Variants in TVP23A observed in about 807,000 individuals in gnomAD.
The protein encoded by TVP23A is trans-golgi network vesicle protein 23 homolog A.
Under a neutral mutation model 31.7 loss-of-function variants are expected in TVP23A, and 21 were observed. The observed-to-expected ratio is 0.66, with a 90% CI of 0.47 to 0.95. The LOEUF is 0.95. Ranked by LOEUF, TVP23A falls within the 40% of genes least tolerant of loss-of-function variation. TVP23A has a pLI of 0.00. For missense variants in TVP23A, 279 were observed against 255.6 expected, an observed-to-expected ratio of 1.09 and a Z score of -0.62; for synonymous variants, 104 against 96.0, an observed-to-expected ratio of 1.08 and a Z score of -0.49.
chr16:10,777,871 C>T lies in TVP23A; in HGVS notation c.90-2775G>A, dbSNP rs1018505145. 1.7e-4 allele frequency among the ~76,000 whole-genome samples: 26 copies of T among 151,816 alleles called. No individual in the cohort carries two copies. The highest frequency in any genetic ancestry group is 1.4e-3 in the Admixed American group (22 of 15,232). Reference sequence around the variant, plus strand: ...ACTAAAAATACAAAAATTAGCTGAGCGTGGTGGTGGGCGCCTGTAGTCCCA... The same window carrying T: ...ACTAAAAATACAAAAATTAGCTGAGTGTGGTGGTGGGCGCCTGTAGTCCCA... On this transcript the variant is annotated intron_variant, in intron 2 of 7. Coordinates refer to ENST00000299866, the MANE Select transcript of TVP23A (RefSeq NM_001079512.4). The surrounding 1 kb of genome is among the most constrained non-coding windows in gnomAD (Gnocchi z 4.5).
chr16:10,780,366 C>A (rs2032348585), intron 2 of TVP23A, among the ~76,000 whole-genome samples: 1 of 152,076 alleles, frequency 6.6e-6, no homozygotes, highest in African/African-American at 2.4e-5. Flanking sequence ...TTATTTCATC[C>A]TAAATGGGTC....
At chr16:10,762,459 C>A (rs901407269), downstream of TVP23A, among the ~76,000 whole-genome samples, 1 of 152,228 alleles carries the variant, frequency 6.6e-6, no homozygotes, top group Non-Finnish European at 1.5e-5. Context: ...TCCACCCACA[C>A]GCCCGCCGGG....
chr16:10,761,709 G>A, downstream of TVP23A: 1 of 1,439,206 alleles, frequency 6.9e-7, no homozygotes, highest in Non-Finnish European at 9.7e-7. Context: ...CCATCCTTGT[G>A]ATTCTGCAAA....
intron 4 of TVP23A, 125 bp from the exon 5 acceptor site, chr16:10,773,566 T>C (rs979624547): frequency 1.8e-6 from 2 of 1,119,722 alleles, no homozygotes; most frequent in African/African-American, 3.2e-5. Context: ...GTTGTTGGTG[T>C]TGTTTTGTTT....
chr16:10,804,088 T>C (rs1344223114), intron 2 of TVP23A, among the ~76,000 whole-genome samples: 2 of 152,138 alleles, frequency 1.3e-5, no homozygotes, highest in Non-Finnish European at 2.9e-5. Context: ...AACAGGAACA[T>C]GGGGCTCTGG....
chr16:10,804,447 T>A (rs937438030), intron 2 of TVP23A, among the ~76,000 whole-genome samples: 5 of 152,034 alleles, frequency 3.3e-5, no homozygotes, highest in Admixed American at 2.6e-4. Context: ...CTCTAACAGA[T>A]TTCCAAAAGA....
chr16:10,784,110 G>A (rs2032589420), intron 2 of TVP23A, among the ~76,000 whole-genome samples: 3 of 152,136 alleles, frequency 2.0e-5, no homozygotes, highest in Non-Finnish European at 4.4e-5. Context: ...CTAGGGGGCA[G>A]ATAGCTTGAG....
intron 2 of TVP23A, among the ~76,000 whole-genome samples, chr16:10,797,942 ATT>A (rs1272625692): frequency 2.2e-5 from 3 of 137,184 alleles, no homozygotes; most frequent in African/African-American, 8.2e-5. Context: ...TATAGTAAAT[ATT>A]TTTTCTTTTT....
At position 10,816,500 on chromosome 16, in the gene TVP23A, A is replaced by C. The variant is rs187029717; in HGVS notation, c.89+1603T>G. On this transcript the variant is annotated intron_variant, in intron 2 of 7. Coordinates refer to ENST00000299866, the MANE Select transcript of TVP23A (RefSeq NM_001079512.4). ...AGGTGCATGCCACTACACCCAGCTA[A>C]TTTTTGTATTTTTTGTAGAAACAGG... Among the ~76,000 whole-genome samples the C allele has an allele frequency of 3.1e-3, 475 of 152,038 alleles. 2 individuals carry two copies. Among genetic ancestry groups the C allele is most frequent in the African/African-American group, 0.011 (456 of 41,458 alleles).
intron 6 of TVP23A, among the ~76,000 whole-genome samples, chr16:10,770,801 C>T (rs1249077068): frequency 2.2e-5 from 3 of 139,162 alleles, no homozygotes; most frequent in South Asian, 2.3e-4. Context: ...AACCCGGAGC[C>T]GGAGGTTGCA....
chr16:10,765,954 C>G (rs553718283), downstream of TVP23A: 4 of 152,280 alleles, frequency 2.6e-5, no homozygotes, highest in Non-Finnish European at 5.9e-5. The surrounding 1 kb of genome is among the most constrained non-coding windows in gnomAD (Gnocchi z 4.0). Flanking sequence ...ACACTGTCAC[C>G]CACCCAAGAG....
chr16:10,776,900 C>T (rs140493695), intron 2 of TVP23A, among the ~76,000 whole-genome samples: 7 of 152,174 alleles, frequency 4.6e-5, no homozygotes, highest in African/African-American at 9.6e-5. Flanking sequence ...GCAGTGGGGA[C>T]GACCAGAGGT....
At chr16:10,808,791 A>G (rs1272044459) in intron 2 of TVP23A, among the ~76,000 whole-genome samples, 1 of 152,080 alleles carries the variant, frequency 6.6e-6, no homozygotes, top group Non-Finnish European at 1.5e-5. Context: ...CAACTCCCCA[A>G]AAGAAAAAGA....
At chr16:10,816,653 G>C in intron 2 of TVP23A, among the ~76,000 whole-genome samples, 1 of 151,926 alleles carries the variant, frequency 6.6e-6, no homozygotes. Flanking sequence ...TAAGGATCTT[G>C]AGATGCAAAG....
At chr16:10,800,841 C>A (rs574018145) in intron 2 of TVP23A, among the ~76,000 whole-genome samples, 1 of 151,838 alleles carries the variant, frequency 6.6e-6, no homozygotes, top group South Asian at 2.1e-4. Context: ...TTTTTAAAAA[C>A]TTAGCCAGGC....
chr16:10,783,736 C>G (rs1184308982), intron 2 of TVP23A, among the ~76,000 whole-genome samples: 2 of 152,118 alleles, frequency 1.3e-5, no homozygotes, highest in Non-Finnish European at 2.9e-5. Flanking sequence ...ATCCAGACAA[C>G]AGAATGTTAT....
downstream of TVP23A, among the ~76,000 whole-genome samples, chr16:10,758,810 G>C (rs759030325): frequency 6.6e-6 from 1 of 152,132 alleles, no homozygotes; most frequent in Non-Finnish European, 1.5e-5. Flanking sequence ...GGGTGCCTTC[G>C]CTTCTTCCGT....
intron 7 of TVP23A, among the ~76,000 whole-genome samples, chr16:10,769,756 G>A (rs578069577): frequency 6.6e-6 from 1 of 152,270 alleles, no homozygotes; most frequent in Admixed American, 6.5e-5. Flanking sequence ...GTAATGTCCA[G>A]TGTCATGCAA....
chr16:10,769,226 G>A, intron 7 of TVP23A, 125 bp from the exon 8 acceptor site: 1 of 774,142 alleles, frequency 1.3e-6, no homozygotes, highest in Non-Finnish European at 2.2e-6. Context: ...AGATGCTGGT[G>A]TGGTCCGAAG....
Sources: gnomAD v4.1 joint callset for allele counts (sites outside exome capture counted in the v4.1 genomes callset) on GRCh38, gnomAD v4.1.1 for gene constraint, Gnocchi (gnomAD v3.1) non-coding constraint, MANE v1.5 for transcripts, NCBI Gene and HGNC (gene_info 2026-07-23, HGNC 2026-07-21) for gene names.